Variants in DLGAP2 observed in about 807,000 individuals in gnomAD.
DLGAP2 encodes DLG associated protein 2, also known as disks large-associated protein 2.
A neutral mutation model predicts 100.3 loss-of-function variants in DLGAP2; 26 were observed. The ratio of observed to expected loss-of-function variants is 0.26; its 90% CI spans 0.19 to 0.36. The LOEUF is 0.36. DLGAP2 is among the 10% of genes least tolerant of loss of function. The pLI is 1.00. For missense variants in DLGAP2, 1,858 were observed against 1,453.2 expected (o/e 1.28, Z -4.53); for synonymous variants, 886 against 630.1 (o/e 1.41, Z -6.08).
At chr8:1,324,121 G>A (rs556778516) in intron 3 of DLGAP2, among the ~76,000 whole-genome samples, 2 of 152,164 alleles carry the variant, frequency 1.3e-5, no homozygotes, top group Non-Finnish European at 2.9e-5. Context: ...GTCCATTGAA[G>A]GGGGAGGAAG....
At chr8:806,728 C>T (rs567665275) in intron 1 of DLGAP2, among the ~76,000 whole-genome samples, 81 of 152,320 alleles carry the variant, frequency 5.3e-4, no homozygotes, top group African/African-American at 1.9e-3. Context: ...CCATTTGCTT[C>T]GCGTAACCAT....
At chr8:1,697,058 T>C in intron 13 of DLGAP2, 89 bp from the exon 14 acceptor site, 1 of 1,347,438 alleles carries the variant, frequency 7.4e-7, no homozygotes, top group Non-Finnish European at 9.7e-7. Flanking sequence ...ATCCGCCTCT[T>C]GAAAGGCATG....
intron 3 of DLGAP2, among the ~76,000 whole-genome samples, chr8:1,316,866 T>G (rs1268436976): frequency 7.1e-6 from 1 of 140,638 alleles, no homozygotes; most frequent in Non-Finnish European, 1.5e-5. Context: ...TGGTCTACAC[T>G]CGAGAAACTC....
chr8:1,246,470 T>C (rs1798902825), intron 2 of DLGAP2, among the ~76,000 whole-genome samples: 1 of 152,172 alleles, frequency 6.6e-6, no homozygotes, highest in Non-Finnish European at 1.5e-5. Flanking sequence ...CTCCTCAGCC[T>C]CCTCTCACTG....
rs1279900379 is a variant in DLGAP2 at position 1,706,226 on chromosome 8, C to T, written c.*4820C>T. On this transcript the variant is annotated 3_prime_UTR_variant, in exon 15 of 15. Transcript: ENST00000637795. ...GCTGTTAGGCAACCTGGCTTTTATT[C>T]ATCCTCAGCCGGCAACTCATCTCAA... The T allele has an allele frequency of 2.0e-5, 3 of 152,342 alleles. No individual in the cohort carries two copies. Among genetic ancestry groups the T allele is most frequent in the East Asian group, 1.9e-4 (1 of 5,190 alleles). 9.4% of individuals were successfully genotyped at this position (152,342 alleles called of 1,614,324 possible). A position where few individuals can be genotyped will look rare whatever the true frequency, so the allele number is the denominator to read the frequency against.
intron 6 of DLGAP2, among the ~76,000 whole-genome samples, chr8:1,610,121 T>A (rs934312939): frequency 6.6e-6 from 1 of 151,820 alleles, no homozygotes; most frequent in Non-Finnish European, 1.5e-5. Flanking sequence ...ATTCCAAAAT[T>A]GACCACATAG....
In DLGAP2 at chr8:1,466,128, G is replaced by A. The variant is rs373815084; in HGVS notation, c.107-35238G>A. On this transcript the variant is annotated intron_variant, in intron 3 of 14. Transcript: ENST00000637795. Reference sequence around the variant, plus strand: ...GTAATAAATTAACCATATTCGTGTTGGAGCGTTTAGGTTGAAGTCAAGTGT... The same window carrying A: ...GTAATAAATTAACCATATTCGTGTTAGAGCGTTTAGGTTGAAGTCAAGTGT... Among the ~76,000 whole-genome samples, 24 of 152,278 alleles carry A rather than the reference G, an allele frequency of 1.6e-4. No individual in the cohort carries two copies. In the South Asian group the frequency reaches 4.4e-3, roughly 28 times the overall value.
chr8:993,732 G>A (rs1173084728), intron 2 of DLGAP2, among the ~76,000 whole-genome samples: 3 of 149,086 alleles, frequency 2.0e-5, no homozygotes, highest in Non-Finnish European at 3.0e-5. Context: ...ATAGTGGCCA[G>A]AGGAGCAGTT....
intron 2 of DLGAP2, among the ~76,000 whole-genome samples, chr8:1,174,029 G>A (rs539937045): frequency 5.9e-5 from 9 of 152,176 alleles, no homozygotes; most frequent in South Asian, 2.1e-4. Context: ...TGGCTCCTCC[G>A]CTCGATCCCA....
intron 8 of DLGAP2, among the ~76,000 whole-genome samples, chr8:1,648,974 A>G (rs1195465524): frequency 6.6e-6 from 1 of 152,198 alleles, no homozygotes; most frequent in Non-Finnish European, 1.5e-5. Context: ...CGTTTCCCAG[A>G]TCGGCAGCCA....
chr8:1,144,004 C>T (rs149084589), intron 2 of DLGAP2, among the ~76,000 whole-genome samples: 54 of 152,324 alleles, frequency 3.5e-4, no homozygotes, highest in African/African-American at 1.2e-3. Context: ...GGAGTTAAGA[C>T]CATATTCCCC....
chr8:1,317,131 A>C (rs1475289264), intron 3 of DLGAP2, among the ~76,000 whole-genome samples: 5 of 136,362 alleles, frequency 3.7e-5, no homozygotes, highest in Non-Finnish European at 4.7e-5. Context: ...GCGTCTCTCC[A>C]ACAGTGGTCT....
intron 3 of DLGAP2, among the ~76,000 whole-genome samples, chr8:1,452,502 C>T (rs141013695): frequency 1.1e-3 from 170 of 152,278 alleles, no homozygotes; most frequent in Non-Finnish European, 2.1e-3. Flanking sequence ...CTAGGATGCC[C>T]GATGCTTCTG....
At chr8:1,373,243 C>T (rs1482764332) in intron 3 of DLGAP2, among the ~76,000 whole-genome samples, 4 of 152,050 alleles carry the variant, frequency 2.6e-5, no homozygotes, top group African/African-American at 9.7e-5. Context: ...AAGCCACGCC[C>T]CTCGGGGGGA....
chr8:1,672,221 ATTTTT>A (rs1798706829), intron 10 of DLGAP2, among the ~76,000 whole-genome samples: 2 of 131,722 alleles, frequency 1.5e-5, no homozygotes, highest in African/African-American at 6.4e-5. Flanking sequence ...GTTGTTTTTT[ATTTTT>A]AATTTTTTTT....
chr8:1,028,196 C>T (rs1268693488), intron 2 of DLGAP2, among the ~76,000 whole-genome samples: 7 of 135,354 alleles, frequency 5.2e-5, no homozygotes, highest in Middle Eastern at 4.6e-3. Context: ...GGGTGCCAGG[C>T]GCCCATTATT....
chr8:1,448,489 G>A (rs1167424348), intron 3 of DLGAP2, among the ~76,000 whole-genome samples: 2 of 152,096 alleles, frequency 1.3e-5, no homozygotes, highest in Non-Finnish European at 2.9e-5. Context: ...CATTTGCTGA[G>A]GAGAGCTTTA....
intron 3 of DLGAP2, among the ~76,000 whole-genome samples, chr8:1,416,485 G>A (rs757041444): frequency 1.3e-5 from 2 of 152,232 alleles, no homozygotes; most frequent in Admixed American, 1.3e-4. Flanking sequence ...CGATTTTGCT[G>A]CTCCTGTTTC....
At chr8:886,784 C>G (rs1797932057) in intron 1 of DLGAP2, among the ~76,000 whole-genome samples, 1 of 152,200 alleles carries the variant, frequency 6.6e-6, no homozygotes, top group Admixed American at 6.5e-5. Flanking sequence ...TGTTTTACTT[C>G]CAATTACGTG....
Sources: gnomAD v4.1 joint callset for allele counts (sites outside exome capture counted in the v4.1 genomes callset) on GRCh38, gnomAD v4.1.1 for gene constraint, MANE v1.5 for transcripts, NCBI Gene and HGNC (gene_info 2026-07-23, HGNC 2026-07-21) for gene names.